The following GRIP1 variants were observed in gnomAD, a reference collection of about 807,000 sequenced individuals.
GRIP1 encodes glutamate receptor-interacting protein 1.
Under a neutral mutation model 129.9 loss-of-function variants are expected in GRIP1, and 45 were observed. The observed-to-expected ratio is 0.35, with a 90% CI of 0.27 to 0.44. The LOEUF is 0.44. Ranked by LOEUF, GRIP1 falls within the 20% of genes least tolerant of loss-of-function variation. The pLI is 1.00. For missense variants in GRIP1, 1,196 were observed against 1,396.8 expected, an observed-to-expected ratio of 0.86 and a Z score of 2.29; for synonymous variants, 530 against 520.8, an observed-to-expected ratio of 1.02 and a Z score of -0.24.
chr12:66,564,415 T>G (rs929256309), intron 2 of GRIP1, among the ~76,000 whole-genome samples: 4 of 152,018 alleles, frequency 2.6e-5, no homozygotes, highest in African/African-American at 9.7e-5. Context: ...CTCAGAATGA[T>G]GGTTTCCAGC....
intron 1 of GRIP1, among the ~76,000 whole-genome samples, chr12:66,923,089 A>C (rs1324880814): frequency 6.6e-6 from 1 of 152,118 alleles, no homozygotes; most frequent in Non-Finnish European, 1.5e-5. Flanking sequence ...AGAAAGATGC[A>C]CCTCTATCTT....
chr12:66,787,279 T>C (rs926007286), intron 1 of GRIP1, among the ~76,000 whole-genome samples: 1 of 152,206 alleles, frequency 6.6e-6, no homozygotes, highest in African/African-American at 2.4e-5. Flanking sequence ...TTAGGACGTT[T>C]GTTTCCAGAA....
chr12:66,484,446 G>A (rs1251085106), intron 7 of GRIP1, among the ~76,000 whole-genome samples: 2 of 152,126 alleles, frequency 1.3e-5, no homozygotes, highest in African/African-American at 4.8e-5. Context: ...GTCTATTGAT[G>A]ATAGGTGAAT....
intron 15 of GRIP1, among the ~76,000 whole-genome samples, chr12:66,409,106 AAAG>A (rs776490874): frequency 6.6e-6 from 1 of 152,178 alleles, no homozygotes; most frequent in East Asian, 1.9e-4. Flanking sequence ...ACTGCCCTGA[AAAG>A]AAGGATACTA....
At chr12:66,483,588 T>C (rs1057290798) in intron 7 of GRIP1, among the ~76,000 whole-genome samples, 1 of 152,212 alleles carries the variant, frequency 6.6e-6, no homozygotes, top group Non-Finnish European at 1.5e-5. Context: ...CCCTGGTAAT[T>C]GCATTAATTT....
chr12:67,050,657 T>A (rs2043329648), intron 1 of GRIP1, among the ~76,000 whole-genome samples: 1 of 152,156 alleles, frequency 6.6e-6, no homozygotes, highest in South Asian at 2.1e-4. Flanking sequence ...GCTCTTAAGA[T>A]TTTTTTCAAG....
At chr12:66,604,905 G>A (rs183367969) in intron 1 of GRIP1, among the ~76,000 whole-genome samples, 4 of 138,440 alleles carry the variant, frequency 2.9e-5, no homozygotes, top group African/African-American at 5.4e-5. Context: ...GAACATATCC[G>A]AGTATTCCTG....
At chr12:66,704,543 G>A (rs574079436) in intron 1 of GRIP1, among the ~76,000 whole-genome samples, 16 of 151,996 alleles carry the variant, frequency 1.1e-4, no homozygotes, top group Non-Finnish European at 2.1e-4. Flanking sequence ...AGTATCACAA[G>A]TAATCACAGA....
intron 1 of GRIP1, among the ~76,000 whole-genome samples, chr12:67,002,664 T>C (rs547949074): frequency 4.9e-4 from 74 of 152,338 alleles, no homozygotes; most frequent in African/African-American, 1.6e-3. Flanking sequence ...TATTTTCTTT[T>C]CTCATTTTTA....
chr12:66,836,133 T>G (rs1161725871), intron 1 of GRIP1, among the ~76,000 whole-genome samples: 1 of 152,198 alleles, frequency 6.6e-6, no homozygotes, highest in Non-Finnish European at 1.5e-5. Context: ...AAATATGACA[T>G]GATTGTTTTA....
At chr12:66,702,799 T>C (rs2035395248) in intron 1 of GRIP1, among the ~76,000 whole-genome samples, 1 of 152,126 alleles carries the variant, frequency 6.6e-6, no homozygotes, top group Non-Finnish European at 1.5e-5. Flanking sequence ...GGGGTAAGGG[T>C]CTTTTCTGCA....
At chr12:66,812,188 G>C (rs904085170) in intron 1 of GRIP1, among the ~76,000 whole-genome samples, 48 of 152,184 alleles carry the variant, frequency 3.2e-4, no homozygotes, top group African/African-American at 1.1e-3. Flanking sequence ...GGCTGGAATG[G>C]AGTGGCGCAA....
chr12:66,714,742 A>G lies in GRIP1; in HGVS notation c.-419-84406T>C, dbSNP rs143187438. ...GATGACCTCTTCAAAAGCATTATTC[A>G]TTCTGTACATTTGGTGAATTCTGTT... On this transcript the variant is annotated intron_variant, in intron 1 of 4. Transcript: ENST00000538373. Among the ~76,000 whole-genome samples the G allele has an allele frequency of 6.3e-3, 953 of 152,098 alleles. 33 individuals are homozygous for G. Among genetic ancestry groups the G allele is most frequent in the Admixed American group, 0.052 (795 of 15,244 alleles).
chr12:66,515,695 A>G lies in GRIP1; in HGVS notation c.648T>C (p.His216=), dbSNP rs1477390030. The change falls in exon 7 of 25, where the codon CAT becomes CAC. Residue 216 remains histidine, a synonymous_variant. Transcript: ENST00000359742. ...VDGIRLLGTT[H]AEAMSILKQC... is the part of the protein sequence containing the mutation. ...GTTTAAGAATACTCATGGCTTCAGCATGCGTAGTTCCAAGAAGCCGAATTC... is the reference window on the plus strand; with the variant it reads ...GTTTAAGAATACTCATGGCTTCAGCGTGCGTAGTTCCAAGAAGCCGAATTC... The G allele has an allele frequency of 1.2e-6, 2 of 1,613,576 alleles. No homozygotes were observed. Among genetic ancestry groups the G allele is most frequent in the South Asian group, 1.1e-5 (1 of 91,078 alleles).
intron 1 of GRIP1, among the ~76,000 whole-genome samples, chr12:66,855,340 T>C (rs2039985732): frequency 2.0e-5 from 3 of 152,028 alleles, no homozygotes; most frequent in Admixed American, 2.0e-4. Flanking sequence ...CAAGAATACA[T>C]CTTTGCATTG....
At chr12:66,636,715 C>CTGTGTGTGTG (rs113361426) in intron 1 of GRIP1, among the ~76,000 whole-genome samples, 3,490 of 145,112 alleles carry the variant, frequency 0.024, 75 homozygotes, top group African/African-American at 0.056. Flanking sequence ...CATTAGATCT[C>CTGTGTGTGTG]TGTGTGTGTG....
intron 2 of GRIP1, among the ~76,000 whole-genome samples, chr12:66,577,581 T>C (rs1213871169): frequency 1.3e-5 from 2 of 151,902 alleles, no homozygotes; most frequent in South Asian, 2.1e-4. Context: ...AGGAGACTCT[T>C]TGATTTGACA....
intron 1 of GRIP1, among the ~76,000 whole-genome samples, chr12:66,922,060 C>T (rs1418595484): frequency 1.3e-5 from 2 of 152,084 alleles, no homozygotes; most frequent in African/African-American, 4.8e-5. Flanking sequence ...TTTATTTCAC[C>T]TTATCTATTT....
In GRIP1 at chr12:66,455,908, C is replaced by T. The variant is rs1244861762; in HGVS notation, c.1198+279G>A. On this transcript the variant is annotated intron_variant, in intron 10 of 24. Coordinates refer to ENST00000359742, the MANE Select transcript of GRIP1 (RefSeq NM_001366722.1). Reference sequence around the variant, plus strand: ...TCTGACATGAATTTCATAAGTGATTCCACATATACAAAGAAGACCTGAGAA... The same window carrying T: ...TCTGACATGAATTTCATAAGTGATTTCACATATACAAAGAAGACCTGAGAA... Among the ~76,000 whole-genome samples the T allele has an allele frequency of 2.0e-5, 3 of 152,162 alleles. No individual in the cohort carries two copies. The East Asian group carries it at 5.8e-4, about 29-fold the overall frequency.
Sources: allele counts gnomAD v4.1 joint callset (sites outside exome capture counted in the v4.1 genomes callset), GRCh38; gene constraint gnomAD v4.1.1; transcripts MANE v1.5; gene names NCBI Gene and HGNC (gene_info 2026-07-23, HGNC 2026-07-21).